HIBCH: variants seen among roughly 807,000 people sequenced by gnomAD.
HIBCH encodes the protein 3-hydroxyisobutyryl-CoA hydrolase, mitochondrial.
Under a neutral mutation model 58.2 loss-of-function variants are expected in HIBCH, and 50 were observed. The observed-to-expected ratio is 0.86, with a 90% CI of 0.68 to 1.09. The LOEUF (loss-of-function observed/expected upper bound fraction) is 1.09, where lower values mean the gene tolerates loss of function less well. Ranked by LOEUF, HIBCH falls within the 50% of genes least tolerant of loss-of-function variation. The pLI is 0.00. For synonymous variants in HIBCH, 151 were observed against 146.9 expected (o/e 1.03, Z -0.20); for missense variants, 450 against 449.7 (o/e 1.00, Z -0.01).
In HIBCH at chr2:190,298,326, G is replaced by A. The variant is rs755715705; in HGVS notation, c.79-1373C>T. The stretch of plus-strand genomic sequence containing the variant: ...TCTGGTTCTAGATCCTTGAGGAATC[G>A]CCACAGTGTCTTCCACAATGGTTGA... On this transcript the variant is annotated intron_variant, in intron 2 of 13. Coordinates refer to ENST00000359678, the MANE Select transcript of HIBCH (RefSeq NM_014362.4). Among the ~76,000 whole-genome samples, 3 of 152,122 alleles carry A rather than the reference G, an allele frequency of 2.0e-5. No individual in the cohort carries two copies. In the South Asian group the frequency reaches 6.2e-4, roughly 32 times the overall value.
rs959398565 is a variant in HIBCH at position 190,285,433 on chromosome 2, G to C, written c.438+2153C>G. On this transcript the variant is annotated intron_variant, in intron 6 of 13. Transcript: ENST00000359678. ...TTTCAGAGAGCTTTCCTTTTCCCCA[G>C]GTTAAAGCACAACCAACCCACGCTC... Among the ~76,000 whole-genome samples the C allele has an allele frequency of 2.0e-4, 30 of 152,034 alleles. 1 individual carries two copies. Among genetic ancestry groups the C allele is most frequent in the South Asian group, 2.1e-4 (1 of 4,816 alleles).
At chr2:190,299,715 G>C (rs1245774388) in intron 2 of HIBCH, among the ~76,000 whole-genome samples, 2 of 152,058 alleles carry the variant, frequency 1.3e-5, no homozygotes, top group East Asian at 1.9e-4. Context: ...TACATGCGCA[G>C]GTTTGTTATA....
intron 6 of HIBCH, among the ~76,000 whole-genome samples, chr2:190,265,462 T>A (rs1057144406): frequency 3.3e-5 from 5 of 151,994 alleles, no homozygotes; most frequent in Non-Finnish European, 5.9e-5. Flanking sequence ...GCTCTTTTTT[T>A]TTTTTTTACT....
intron 12 of HIBCH, among the ~76,000 whole-genome samples, chr2:190,212,685 A>G (rs757025358): frequency 3.3e-5 from 5 of 152,232 alleles, no homozygotes; most frequent in Admixed American, 1.3e-4. Flanking sequence ...GCTGAAAGAC[A>G]TTAATTTCTA....
chr2:190,238,723 A>T lies in HIBCH; in HGVS notation c.891+6164T>A, dbSNP rs535671204. On this transcript the variant is annotated intron_variant, in intron 11 of 13. Coordinates refer to ENST00000359678, the MANE Select transcript of HIBCH (RefSeq NM_014362.4). Reference sequence around the variant, plus strand: ...CGTGATCCGCCCTCTGTGGCCCCCCAAAGTGCTGGGATTACAGGCGTGAGC... The same window carrying T: ...CGTGATCCGCCCTCTGTGGCCCCCCTAAGTGCTGGGATTACAGGCGTGAGC... Among the ~76,000 whole-genome samples the T allele has an allele frequency of 2.0e-5, 3 of 152,326 alleles. No homozygotes were observed. In the South Asian group the frequency reaches 6.2e-4, roughly 32 times the overall value.
chr2:190,281,435 C>T lies in HIBCH; in HGVS notation c.438+6151G>A, dbSNP rs994658286. Among the ~76,000 whole-genome samples, 8 of 152,218 alleles carry T rather than the reference C, an allele frequency of 5.3e-5. No homozygotes were observed. In the East Asian group the frequency reaches 5.8e-4, roughly 11 times the overall value. On this transcript the variant is annotated intron_variant, in intron 6 of 13. Coordinates refer to ENST00000359678, the MANE Select transcript of HIBCH (RefSeq NM_014362.4). This position sits in a 1 kb window ranked among gnomAD's most constrained non-coding sequence, Gnocchi z 5.4. ...GAGCAGAGGCCCAAGCAGCCCCGGGCGGTAAGCTTATAGGGGGAGGCCCAA... is the reference window on the plus strand; with the variant it reads ...GAGCAGAGGCCCAAGCAGCCCCGGGTGGTAAGCTTATAGGGGGAGGCCCAA...
chr2:190,264,889 G>C (rs370027788), intron 6 of HIBCH, among the ~76,000 whole-genome samples: 2 of 151,988 alleles, frequency 1.3e-5, no homozygotes, highest in Non-Finnish European at 2.9e-5. Flanking sequence ...TTGGGAGGCC[G>C]AGGTGGGCGG....
chr2:190,220,911 G>T (rs1379966973), intron 11 of HIBCH, among the ~76,000 whole-genome samples: 1 of 152,112 alleles, frequency 6.6e-6, no homozygotes, highest in Non-Finnish European at 1.5e-5. Flanking sequence ...GCACACAATT[G>T]TTCCTCAGCA....
At chr2:190,308,238 C>A (rs1051236906) in intron 2 of HIBCH, among the ~76,000 whole-genome samples, 1 of 152,158 alleles carries the variant, frequency 6.6e-6, no homozygotes, top group African/African-American at 2.4e-5. Context: ...TCCCATTCCA[C>A]CTTTGTACTT....
chr2:190,258,108 C>A (rs1686980140), intron 7 of HIBCH, among the ~76,000 whole-genome samples: 1 of 152,034 alleles, frequency 6.6e-6, no homozygotes, highest in Admixed American at 6.6e-5. Context: ...GGGCAGATTT[C>A]CCCCTTGCTG....
intron 2 of HIBCH, among the ~76,000 whole-genome samples, chr2:190,305,236 T>C (rs1688372909): frequency 6.6e-6 from 1 of 152,084 alleles, no homozygotes; most frequent in Non-Finnish European, 1.5e-5. Context: ...GGAAGTTCAC[T>C]GGAAATGAGA....
At chr2:190,196,135 C>T (rs936039165) in intron 1 of HIBCH, among the ~76,000 whole-genome samples, 2 of 151,838 alleles carry the variant, frequency 1.3e-5, no homozygotes, top group Admixed American at 6.6e-5. Context: ...TTCTAATTGT[C>T]CCTCCCCAAC....
chr2:190,286,252 C>G (rs1243478245), intron 6 of HIBCH, among the ~76,000 whole-genome samples: 1 of 152,138 alleles, frequency 6.6e-6, no homozygotes, highest in Non-Finnish European at 1.5e-5. Flanking sequence ...TACCTAAGTT[C>G]CCCCATTTAT....
In HIBCH at chr2:190,296,793, G is replaced by C; in HGVS notation, c.219+20C>G. On this transcript the variant is annotated intron_variant, in intron 3 of 13. Coordinates refer to ENST00000359678, the MANE Select transcript of HIBCH (RefSeq NM_014362.4). ...TACTTTGAAAAGAATCCATATAATT[G>C]CAATAAGAAAATTACAAACCTTTAG... The C allele has an allele frequency of 6.3e-7, 1 of 1,598,680 alleles. No individual in the cohort carries two copies. The highest frequency in any genetic ancestry group is 8.6e-7 in the Non-Finnish European group (1 of 1,166,070).
intron 2 of HIBCH, among the ~76,000 whole-genome samples, chr2:190,309,493 A>C (rs146628467): frequency 5.3e-5 from 8 of 152,284 alleles, no homozygotes; most frequent in African/African-American, 1.9e-4. Flanking sequence ...TTAACTTTGC[A>C]AGGTACCATT....
At chr2:190,275,436 A>T (rs564161943) in intron 6 of HIBCH, among the ~76,000 whole-genome samples, 3 of 152,192 alleles carry the variant, frequency 2.0e-5, no homozygotes, top group East Asian at 1.9e-4. Flanking sequence ...AGAACTTCAA[A>T]TTTTTTTGTA....
chr2:190,296,724 T>A lies in HIBCH; in HGVS notation c.219+89A>T, dbSNP rs368844151. 4.0e-5 allele frequency: 47 copies of A among 1,187,168 alleles called. 1 individual carries two copies. The East Asian group carries it at 7.8e-4, about 20-fold the overall frequency. The allele number at this position is 1,187,168 out of a possible 1,614,324, so 73.5% of individuals were successfully genotyped here. On this transcript the variant is annotated intron_variant, in intron 3 of 13. Transcript: ENST00000359678. ...CTTAGATGCATATCCCAGAGAATTA[T>A]GTGATTCTATGGGAGAAAATACCAG...
downstream of HIBCH, chr2:190,199,962 TCTAC>T: frequency 6.2e-7 from 1 of 1,614,120 alleles, no homozygotes. Context: ...AAGAGAGATG[TCTAC>T]CTAGGATGGC....
chr2:190,297,442 A>G (rs1043285265), intron 2 of HIBCH, among the ~76,000 whole-genome samples: 30 of 152,248 alleles, frequency 2.0e-4, no homozygotes, highest in Admixed American at 8.5e-4. Context: ...CTAAGCCATA[A>G]GCAATGACTA....
Sources: allele counts gnomAD v4.1 joint callset (sites outside exome capture counted in the v4.1 genomes callset), GRCh38; gene constraint gnomAD v4.1.1; non-coding constraint Gnocchi (gnomAD v3.1); transcripts MANE v1.5; gene names NCBI Gene and HGNC (gene_info 2026-07-23, HGNC 2026-07-21).